Variants in LRFN5 observed in about 807,000 individuals in gnomAD.
The protein encoded by LRFN5 is leucine-rich repeat and fibronectin type-III domain-containing protein 5.
A neutral mutation model predicts 45.6 loss-of-function variants in LRFN5; 24 were observed. That is an observed-to-expected ratio of 0.53 (90% CI 0.38 to 0.74). The LOEUF is 0.74. LRFN5 is among the 30% of genes least tolerant of loss of function. The pLI is 0.00. For missense variants in LRFN5, 776 were observed against 861.5 expected (o/e 0.90, Z 1.24); for synonymous variants, 340 against 313.8 (o/e 1.08, Z -0.88).
intron 1 of LRFN5, among the ~76,000 whole-genome samples, chr14:41,658,874 G>A (rs1182547927): frequency 6.6e-6 from 1 of 151,880 alleles, no homozygotes; most frequent in Non-Finnish European, 1.5e-5. Context: ...GAAGATCAAA[G>A]TTGGTTTATC....
At chr14:41,884,960 G>A (rs533505225) in intron 2 of LRFN5, among the ~76,000 whole-genome samples, 1 of 152,152 alleles carries the variant, frequency 6.6e-6, no homozygotes, top group African/African-American at 2.4e-5. Context: ...TAGAAAACTA[G>A]GCATGACATT....
At chr14:41,818,920 A>G (rs1168509292) in intron 2 of LRFN5, among the ~76,000 whole-genome samples, 1 of 152,026 alleles carries the variant, frequency 6.6e-6, no homozygotes, top group Non-Finnish European at 1.5e-5. Context: ...AGTGTACAGT[A>G]TCTATTATTC....
chr14:41,890,726 TTAATCTTAGTAA>T (rs1304557217), intron 3 of LRFN5, among the ~76,000 whole-genome samples: 1 of 152,034 alleles, frequency 6.6e-6, no homozygotes, highest in African/African-American at 2.4e-5. Context: ...AAAAAAAACT[TTAATCTTAGTAA>T]TAATCTTAGT....
intron 2 of LRFN5, among the ~76,000 whole-genome samples, chr14:41,816,134 G>A (rs1180752745): frequency 6.6e-6 from 1 of 150,896 alleles, no homozygotes; most frequent in Non-Finnish European, 1.5e-5. Context: ...TCTCCCCCAT[G>A]TTCCTATTCT....
At chr14:41,627,870 A>C (rs1808229284) in intron 1 of LRFN5, among the ~76,000 whole-genome samples, 1 of 152,108 alleles carries the variant, frequency 6.6e-6, no homozygotes, top group South Asian at 2.1e-4. Context: ...TTTATATATC[A>C]CTTGAAATTG....
At chr14:41,772,001 G>A (rs1886106813) in intron 2 of LRFN5, among the ~76,000 whole-genome samples, 1 of 152,184 alleles carries the variant, frequency 6.6e-6, no homozygotes, top group Admixed American at 6.5e-5. Flanking sequence ...TCTCTAGGCT[G>A]TAGGAAGTAT....
intron 1 of LRFN5, among the ~76,000 whole-genome samples, chr14:41,693,919 C>G (rs1295300074): frequency 2.6e-5 from 4 of 151,874 alleles, no homozygotes; most frequent in African/African-American, 9.7e-5. Context: ...ACTTCAATGC[C>G]CTTTACCAGA....
chr14:41,738,941 A>G (rs1360076417), intron 1 of LRFN5, among the ~76,000 whole-genome samples: 1 of 152,238 alleles, frequency 6.6e-6, no homozygotes, highest in African/African-American at 2.4e-5. Context: ...ATCTAACAGC[A>G]GTGAAATACA....
intron 3 of LRFN5, 91 bp downstream of exon 3, chr14:41,888,101 T>C: frequency 1.1e-6 from 1 of 946,596 alleles, no homozygotes. Context: ...TTGGCAGTGC[T>C]GTTCTGTGTT....
chr14:41,725,162 C>T (rs575628464), intron 1 of LRFN5, among the ~76,000 whole-genome samples: 6 of 152,132 alleles, frequency 3.9e-5, no homozygotes, highest in Non-Finnish European at 5.9e-5. Flanking sequence ...ACTACTTTAA[C>T]AAGGTGCTTA....
chr14:41,843,320 C>T (rs1184454896), intron 2 of LRFN5, among the ~76,000 whole-genome samples: 3 of 152,064 alleles, frequency 2.0e-5, no homozygotes, highest in Non-Finnish European at 2.9e-5. Flanking sequence ...TCGTGAACTC[C>T]TGGCCTCAAG....
intron 1 of LRFN5, among the ~76,000 whole-genome samples, chr14:41,701,885 C>T (rs189040267): frequency 8.5e-5 from 13 of 152,214 alleles, no homozygotes; most frequent in Admixed American, 3.9e-4. Flanking sequence ...TTCAGAAAAG[C>T]GGAACCTCAA....
At chr14:41,879,344 A>G (rs951033285) in intron 2 of LRFN5, among the ~76,000 whole-genome samples, 1 of 151,848 alleles carries the variant, frequency 6.6e-6, no homozygotes, top group Non-Finnish European at 1.5e-5. Flanking sequence ...ATGAAAAATC[A>G]CTATTTCCTT....
chr14:41,616,623 T>C (rs909980386), intron 1 of LRFN5, among the ~76,000 whole-genome samples: 1 of 152,156 alleles, frequency 6.6e-6, no homozygotes, highest in African/African-American at 2.4e-5. Flanking sequence ...ATAATTTGAA[T>C]ACAGAAGAAA....
intron 1 of LRFN5, among the ~76,000 whole-genome samples, chr14:41,681,827 T>TATTTAATTATTTA (rs58384478): frequency 7.1e-6 from 1 of 141,744 alleles, no homozygotes; most frequent in Admixed American, 7.1e-5. Flanking sequence ...TTTATTTATT[T>TATTTAATTATTTA]TTTTTTTTTG....
At chr14:41,715,005 G>A (rs1349407891) in intron 1 of LRFN5, among the ~76,000 whole-genome samples, 1 of 152,144 alleles carries the variant, frequency 6.6e-6, no homozygotes, top group Non-Finnish European at 1.5e-5. Flanking sequence ...AACATAGAAT[G>A]TTAAAGGGTT....
intron 1 of LRFN5, among the ~76,000 whole-genome samples, chr14:41,640,460 C>A (rs981489467): frequency 6.6e-6 from 1 of 152,020 alleles, no homozygotes; most frequent in Non-Finnish European, 1.5e-5. Flanking sequence ...GGATGCATTT[C>A]CATTCTCAAA....
In LRFN5 at chr14:41,763,153, A is replaced by G. The variant is rs143412631; in HGVS notation, c.-196-3701A>G. On this transcript the variant is annotated intron_variant, in intron 1 of 5. Transcript: ENST00000298119. ...AAAACTGTTGCAATGCCTATAATGT[A>G]TAAGGTTTTATGATGAGTACTTTCA... Among the ~76,000 whole-genome samples the G allele has an allele frequency of 9.6e-3, 1,461 of 152,322 alleles. 10 individuals are homozygous for G. Among genetic ancestry groups the G allele is most frequent in the Non-Finnish European group, 0.014 (932 of 68,026 alleles).
chr14:41,617,111 C>G (rs907650861), intron 1 of LRFN5, among the ~76,000 whole-genome samples: 2 of 152,086 alleles, frequency 1.3e-5, no homozygotes, highest in African/African-American at 4.8e-5. Context: ...CTGGGACAAG[C>G]ACATGAGCTT....
Sources: gnomAD v4.1 joint callset for allele counts (sites outside exome capture counted in the v4.1 genomes callset) on GRCh38, gnomAD v4.1.1 for gene constraint, MANE v1.5 for transcripts, NCBI Gene and HGNC (gene_info 2026-07-23, HGNC 2026-07-21) for gene names.